TMEM114: variants seen among roughly 807,000 people sequenced by gnomAD.
TMEM114 encodes the protein transmembrane protein 114.
TMEM114 carries 6 observed loss-of-function variants against 6.2 expected under a neutral mutation model. The observed-to-expected ratio is 0.97, with a 90% CI of 0.53 to 1.91. The LOEUF (loss-of-function observed/expected upper bound fraction) is 1.91, where lower values mean the gene tolerates loss of function less well. Ranked by LOEUF, TMEM114 falls within the 40% of genes most tolerant of loss-of-function variation. The pLI, the probability that TMEM114 is intolerant of heterozygous loss-of-function variation, is 0.01. For missense variants in TMEM114, 218 were observed against 158.3 expected (o/e 1.38, Z -2.02); for synonymous variants, 104 against 73.0 (o/e 1.42, Z -2.16).
chr16:8,552,264 G>C (rs1030368297), intron 2 of TMEM114, among the ~76,000 whole-genome samples: 6 of 151,796 alleles, frequency 4.0e-5, no homozygotes, highest in African/African-American at 7.3e-5. Flanking sequence ...TGTGCCTATA[G>C]TCCCAGCTAC....
chr16:8,530,793 T>G, the TMEM114 span, among the ~76,000 whole-genome samples: 4 of 151,700 alleles, frequency 2.6e-5, no homozygotes, highest in East Asian at 1.9e-4. Context: ...GGAGGCCGAG[T>G]CAGATGAATT....
chr16:8,580,080 A>G (rs1902082475), intron 2 of TMEM114, among the ~76,000 whole-genome samples: 2 of 152,180 alleles, frequency 1.3e-5, no homozygotes, highest in Middle Eastern at 3.2e-3. Flanking sequence ...GCAGCTGGAG[A>G]GGTGAGCCAG....
chr16:8,563,025 G>GGAATGAGTGAGT (rs1313936361), intron 2 of TMEM114, among the ~76,000 whole-genome samples: 3,604 of 86,932 alleles, frequency 0.041, 209 homozygotes, highest in South Asian at 0.091. Flanking sequence ...AGTGAGTGAG[G>GGAATGAGTGAGT]GAATGAGTGA....
At chr16:8,535,301 A>C (rs1391271649), downstream of TMEM114, among the ~76,000 whole-genome samples, 2 of 152,176 alleles carry the variant, frequency 1.3e-5, no homozygotes, top group African/African-American at 4.8e-5. Flanking sequence ...GGACTTTTTT[A>C]TTATTACTTT....
intron 3 of TMEM114, among the ~76,000 whole-genome samples, chr16:8,570,882 G>A (rs1901711590): frequency 6.6e-6 from 1 of 152,150 alleles, no homozygotes; most frequent in African/African-American, 2.4e-5. Flanking sequence ...CACTGCCCTG[G>A]CCTGGTTTGC....
At chr16:8,526,985 A>G in the TMEM114 span, among the ~76,000 whole-genome samples, 8 of 152,218 alleles carry the variant, frequency 5.3e-5, no homozygotes, top group African/African-American at 1.9e-4. Context: ...AGACAGGTGG[A>G]TCACCTGAGG....
downstream of TMEM114, among the ~76,000 whole-genome samples, chr16:8,534,200 G>C (rs567456809): frequency 6.2e-4 from 94 of 152,336 alleles, 1 homozygote; most frequent in African/African-American, 2.2e-3. Context: ...TTCGCAGTGT[G>C]ATGACTGGGG....
chr16:8,536,016 A>G (rs1900346605), downstream of TMEM114, among the ~76,000 whole-genome samples: 1 of 152,162 alleles, frequency 6.6e-6, no homozygotes. Flanking sequence ...ACCTGAGGTG[A>G]GGAGTTGGAG....
chr16:8,555,790 G>T (rs1225681589), intron 2 of TMEM114, among the ~76,000 whole-genome samples: 1 of 152,176 alleles, frequency 6.6e-6, no homozygotes, highest in Admixed American at 6.6e-5. Context: ...GCATCTACTG[G>T]GTGGAATCCA....
At chr16:8,541,785 G>C (rs1900521691) in intron 2 of TMEM114, among the ~76,000 whole-genome samples, 1 of 152,158 alleles carries the variant, frequency 6.6e-6, no homozygotes, top group African/African-American at 2.4e-5. Flanking sequence ...TCTGTGTATG[G>C]GGTTACTTGG....
intron 3 of TMEM114, among the ~76,000 whole-genome samples, chr16:8,571,019 G>C (rs1351428529): frequency 2.0e-5 from 3 of 152,104 alleles, no homozygotes; most frequent in Non-Finnish European, 2.9e-5. Flanking sequence ...ATAATAGTGA[G>C]TGGTTAGAGG....
chr16:8,569,586 A>G lies in TMEM114; in HGVS notation c.*187T>C. ...AGGCCACACGGACACACACGGACAT[A>G]AGCACACAGGTACTAGGATAACAGC... On this transcript the variant is annotated 3_prime_UTR_variant, in exon 4 of 4. Transcript: ENST00000620492. 7.0e-7 allele frequency: 1 copy of G among 1,427,968 alleles called. No homozygotes were observed. Among genetic ancestry groups the G allele is most frequent in the Middle Eastern group, 2.6e-4 (1 of 3,858 alleles). The allele number at this position is 1,427,968 out of a possible 1,614,324, so 88.5% of individuals were successfully genotyped here. A position where few individuals can be genotyped will look rare whatever the true frequency, so the allele number is the denominator to read the frequency against.
downstream of TMEM114, among the ~76,000 whole-genome samples, chr16:8,536,112 C>G (rs1900350448): frequency 6.6e-6 from 1 of 151,842 alleles, no homozygotes; most frequent in Admixed American, 6.6e-5. Context: ...GTAATCCCAG[C>G]TACTCGGGAG....
chr16:8,573,473 A>T (rs1901803715), intron 2 of TMEM114, among the ~76,000 whole-genome samples: 1 of 152,162 alleles, frequency 6.6e-6, no homozygotes, highest in Non-Finnish European at 1.5e-5. Flanking sequence ...ATGAGGGGTG[A>T]ATGGAGGAGG....
chr16:8,529,962 C>G, the TMEM114 span, among the ~76,000 whole-genome samples: 1 of 152,168 alleles, frequency 6.6e-6, no homozygotes, highest in Non-Finnish European at 1.5e-5. Context: ...CACATCACTT[C>G]ACCAGGTAGT....
intron 2 of TMEM114, among the ~76,000 whole-genome samples, chr16:8,539,486 T>C (rs1900458300): frequency 6.6e-6 from 1 of 152,194 alleles, no homozygotes; most frequent in Non-Finnish European, 1.5e-5. Flanking sequence ...CAGCCTCACA[T>C]GCCTGGACAG....
chr16:8,555,885 T>C (rs996732771), intron 2 of TMEM114, among the ~76,000 whole-genome samples: 11 of 152,192 alleles, frequency 7.2e-5, no homozygotes, highest in African/African-American at 2.4e-4. Flanking sequence ...AGTACCAAGG[T>C]TGGGAAAGCC....
chr16:8,567,885 A>G (rs1318234115), downstream of TMEM114, among the ~76,000 whole-genome samples: 2 of 152,188 alleles, frequency 1.3e-5, no homozygotes, highest in African/African-American at 4.8e-5. Context: ...TGTTTTCCCC[A>G]GCATTGTAAC....
intron 2 of TMEM114, among the ~76,000 whole-genome samples, chr16:8,577,945 T>A (rs1901998805): frequency 6.6e-6 from 1 of 152,006 alleles, no homozygotes; most frequent in African/African-American, 2.4e-5. Flanking sequence ...TGCCTTTGGG[T>A]CCCCAGTGAG....
Sources: allele counts gnomAD v4.1 joint callset (sites outside exome capture counted in the v4.1 genomes callset), GRCh38; gene constraint gnomAD v4.1.1; transcripts MANE v1.5; gene names NCBI Gene and HGNC (gene_info 2026-07-23, HGNC 2026-07-21).